Variants in RSPO2 observed in about 807,000 individuals in gnomAD.
The protein encoded by RSPO2 is R-spondin 2, also known as R-spondin-2.
A neutral mutation model predicts 30.9 loss-of-function variants in RSPO2; 14 were observed. That is an observed-to-expected ratio of 0.45 (90% CI 0.30 to 0.71). RSPO2 has a LOEUF of 0.71. Ranked by LOEUF, RSPO2 falls within the 30% of genes least tolerant of loss-of-function variation. The pLI is 0.08. For synonymous variants in RSPO2, 107 were observed against 96.4 expected, an observed-to-expected ratio of 1.11 and a Z score of -0.64; for missense variants, 264 against 301.9, an observed-to-expected ratio of 0.87 and a Z score of 0.93.
intron 2 of RSPO2, among the ~76,000 whole-genome samples, chr8:108,039,578 CA>C (rs1253757594): frequency 6.6e-6 from 1 of 151,920 alleles, no homozygotes; most frequent in Non-Finnish European, 1.5e-5. Context: ...AAAAGGAAAA[CA>C]ATATTTGAAA....
chr8:107,910,887 A>C (rs1434933056), intron 5 of RSPO2, among the ~76,000 whole-genome samples: 1 of 152,160 alleles, frequency 6.6e-6, no homozygotes, highest in Non-Finnish European at 1.5e-5. Context: ...GGGAGATCCC[A>C]TCTCTATTTT....
chr8:108,065,309 A>G (rs1812630830), intron 2 of RSPO2, among the ~76,000 whole-genome samples: 1 of 151,442 alleles, frequency 6.6e-6, no homozygotes, highest in Non-Finnish European at 1.5e-5. Flanking sequence ...AAAAAAAAGA[A>G]GAGTACTACG....
intron 2 of RSPO2, among the ~76,000 whole-genome samples, chr8:108,003,290 TATATATATATATATATATA>T (rs1205302296): frequency 3.6e-5 from 1 of 27,448 alleles, no homozygotes; most frequent in East Asian, 6.4e-4. Context: ...TATATATATA[TATATATATATATATATATA>T]TATTTTTTTT....
intron 2 of RSPO2, among the ~76,000 whole-genome samples, chr8:108,063,800 A>T (rs1004800528): frequency 2.6e-5 from 4 of 152,204 alleles, no homozygotes; most frequent in African/African-American, 9.7e-5. Context: ...TACAGTAACC[A>T]AAACAGCATG....
intron 3 of RSPO2, among the ~76,000 whole-genome samples, chr8:107,974,378 G>A (rs1814134152): frequency 6.6e-6 from 1 of 152,070 alleles, no homozygotes; most frequent in Admixed American, 6.6e-5. Context: ...TGGGCATGGT[G>A]GCACGCACCT....
chr8:107,958,353 G>T, intron 4 of RSPO2, 85 bp from the exon 5 acceptor site: 1 of 1,125,718 alleles, frequency 8.9e-7, no homozygotes, highest in Non-Finnish European at 1.3e-6. Context: ...AATTTACAGA[G>T]CAGTGTTCCT....
At chr8:108,047,916 C>T (rs922418555) in intron 2 of RSPO2, among the ~76,000 whole-genome samples, 6 of 150,690 alleles carry the variant, frequency 4.0e-5, no homozygotes, top group South Asian at 2.1e-4. Flanking sequence ...AATATTCATT[C>T]GAGGTAATGG....
At position 107,901,085 on chromosome 8, in the gene RSPO2, GCT is replaced by G; in HGVS notation, c.720_721del (p.Arg240SerfsTer2). ...ACCGGATCTCTTGTTTTATTGGTTA[GCT>G]CTGTCTGTAGCTAGGAAGACGCTGT... is the stretch of plus-strand genomic sequence containing the variant. On this transcript the variant is annotated frameshift_variant, in exon 6 of 6. Coordinates refer to ENST00000276659, the MANE Select transcript of RSPO2 (RefSeq NM_178565.5). LOFTEE classifies it high-confidence loss of function. 1.2e-6 allele frequency: 2 copies of G among 1,613,594 alleles called. No homozygotes were observed. Among genetic ancestry groups the G allele is most frequent in the East Asian group, 4.5e-5 (2 of 44,876 alleles).
chr8:107,947,482 A>G (rs1446971122), intron 5 of RSPO2, among the ~76,000 whole-genome samples: 1 of 152,218 alleles, frequency 6.6e-6, no homozygotes, highest in Non-Finnish European at 1.5e-5. Context: ...CCTGGCTTAG[A>G]AAGTTGGCAA....
intron 5 of RSPO2, among the ~76,000 whole-genome samples, chr8:107,938,668 G>T (rs546359130): frequency 6.6e-6 from 1 of 152,308 alleles, no homozygotes; most frequent in East Asian, 1.9e-4. Context: ...GAGGAGACAG[G>T]TGACAGATGT....
At chr8:107,909,379 CAGCCTCCT>C (rs2130265541) in intron 5 of RSPO2, among the ~76,000 whole-genome samples, 1 of 151,182 alleles carries the variant, frequency 6.6e-6, no homozygotes, top group Admixed American at 6.6e-5. Flanking sequence ...TCTCCTGCCT[CAGCCTCCT>C]GAGTAGCTGG....
chr8:107,998,101 A>G (rs1433273623), intron 2 of RSPO2, among the ~76,000 whole-genome samples: 2 of 152,234 alleles, frequency 1.3e-5, no homozygotes, highest in Non-Finnish European at 2.9e-5. Context: ...ACAAATTTTT[A>G]AATGAACAAT....
In RSPO2 at chr8:107,978,665, C is replaced by A. The variant is rs577851652; in HGVS notation, c.283+10391G>T. On this transcript the variant is annotated intron_variant, in intron 3 of 5. Transcript: ENST00000276659. ...ACACCAAAAGCAATGGCAACAAAAG[C>A]CAAAATTGACAAATGGAATCTAATT... Among the ~76,000 whole-genome samples the A allele has an allele frequency of 7.2e-5, 11 of 152,192 alleles. No homozygotes were observed. The South Asian group carries it at 1.2e-3, about 17-fold the overall frequency.
At position 108,031,291 on chromosome 8, in the gene RSPO2, C is replaced by CGGT. The variant is rs1811414773; in HGVS notation, c.95-42050_95-42048dup. 5.9e-5 allele frequency among the ~76,000 whole-genome samples: 9 copies of CGGT among 152,268 alleles called. No homozygotes were observed. The South Asian group carries it at 1.9e-3, about 32-fold the overall frequency. On this transcript the variant is annotated intron_variant, in intron 2 of 5. Transcript: ENST00000276659. ...GCATCTCTAATGGATCACCATTACA[C>CGGT]GGTGCAGAAAACGTGACTCAGGAAG...
At chr8:107,981,240 T>A (rs1044249361) in intron 3 of RSPO2, among the ~76,000 whole-genome samples, 2 of 152,154 alleles carry the variant, frequency 1.3e-5, no homozygotes, top group Non-Finnish European at 2.9e-5. Context: ...AATGACAGGC[T>A]GGGCTCAGTG....
At chr8:107,963,522 CAAAAAAAAAAAAAAAA>C (rs61697128) in intron 3 of RSPO2, among the ~76,000 whole-genome samples, 3 of 32,014 alleles carry the variant, frequency 9.4e-5, no homozygotes, top group Non-Finnish European at 1.5e-4. Context: ...AGACCTGTCT[CAAAAAAAAAAAAAAAA>C]AAAAAAAAAA....
At chr8:107,908,859 T>A (rs2130263464) in intron 5 of RSPO2, among the ~76,000 whole-genome samples, 1 of 152,336 alleles carries the variant, frequency 6.6e-6, no homozygotes, top group East Asian at 1.9e-4. Context: ...CACTTTCTTA[T>A]GGGAAAGTTA....
At chr8:108,016,505 A>G (rs1204318618) in intron 2 of RSPO2, among the ~76,000 whole-genome samples, 1 of 152,236 alleles carries the variant, frequency 6.6e-6, no homozygotes, top group Non-Finnish European at 1.5e-5. Context: ...CAAACTGAAG[A>G]GCATTTACAG....
intron 3 of RSPO2, among the ~76,000 whole-genome samples, chr8:107,966,302 A>G (rs1215500656): frequency 6.6e-6 from 1 of 152,138 alleles, no homozygotes; most frequent in Non-Finnish European, 1.5e-5. Context: ...AACAGTCCCT[A>G]TGGGCCAACC....
Sources: gnomAD v4.1 joint callset for allele counts (sites outside exome capture counted in the v4.1 genomes callset) on GRCh38, gnomAD v4.1.1 for gene constraint, MANE v1.5 for transcripts, NCBI Gene and HGNC (gene_info 2026-07-23, HGNC 2026-07-21) for gene names.